KLK13: variants seen among roughly 807,000 people sequenced by gnomAD.
KLK13 encodes kallikrein related peptidase 13, also known as kallikrein-13.
In KLK13, 19 loss-of-function variants were observed where a neutral mutation model predicts 22.4. That is an observed-to-expected ratio of 0.85 (90% CI 0.59 to 1.24). KLK13 has a LOEUF of 1.24. Among genes scored for constraint, KLK13 ranks in the 50% most tolerant of loss-of-function variants. KLK13 has a pLI of 0.00. For synonymous variants in KLK13, 156 were observed against 141.8 expected (o/e 1.10, Z -0.71); for missense variants, 311 against 347.9 (o/e 0.89, Z 0.84).
At chr19:51,056,822 C>A in intron 4 of KLK13, 47 bp from the exon 5 acceptor site, 1 of 1,467,846 alleles carries the variant, frequency 6.8e-7, no homozygotes. Context: ...CTTGCTGGGG[C>A]TAAACAAGGC....
At chr19:51,060,699 G>A in intron 1 of KLK13, 80 bp from the exon 2 acceptor site, 3 of 1,201,024 alleles carry the variant, frequency 2.5e-6, no homozygotes, top group Non-Finnish European at 3.5e-6. Context: ...TGGGTTTGGG[G>A]TAAGGGTCGG....
chr19:51,060,116 G>T (rs750810236), intron 2 of KLK13, 23 bp from the exon 3 acceptor site: 2 of 1,611,564 alleles, frequency 1.2e-6, no homozygotes, highest in East Asian at 4.5e-5. Flanking sequence ...AAAGAAGGTG[G>T]TTAGGAAAGA....
intron 1 of KLK13, chr19:51,063,861 C>G: frequency 2.2e-6 from 1 of 461,228 alleles, no homozygotes; most frequent in Non-Finnish European, 4.4e-6. Context: ...GAAGTCTTCA[C>G]CTCATGTCAA....
At chr19:51,061,635 T>C (rs1407353024) in intron 1 of KLK13, among the ~76,000 whole-genome samples, 2 of 152,230 alleles carry the variant, frequency 1.3e-5, no homozygotes, top group African/African-American at 4.8e-5. Flanking sequence ...TCTTGGTCCA[T>C]GCCCCATCTT....
intron 1 of KLK13, 66 bp from the exon 2 acceptor site, chr19:51,060,685 T>C: frequency 3.7e-6 from 5 of 1,361,482 alleles, no homozygotes; most frequent in Non-Finnish European, 4.0e-6. Flanking sequence ...GGGGTTGTGG[T>C]TTCTGGGTTT....
chr19:51,060,226 C>A, intron 2 of KLK13, 133 bp from the exon 3 acceptor site: 1 of 1,189,624 alleles, frequency 8.4e-7, no homozygotes, highest in East Asian at 2.5e-5. Flanking sequence ...ATACATCTCC[C>A]CCATCCTCAA....
In KLK13 at chr19:51,060,065, C is replaced by T. The variant is rs143558540; in HGVS notation, c.268G>A (p.Ala90Thr). 9.2e-5 allele frequency: 149 copies of T among 1,613,412 alleles called. No homozygotes were observed. Among genetic ancestry groups the T allele is most frequent in the Middle Eastern group, 8.2e-4 (5 of 6,080 alleles). ...EGLKVYLGKH[A>T]LGRVEAGEQV... ...TCACCAGCTTCCACACGCCCTAGGG[C>T]GTGCTTGCCTAGGTAAACTTTGAGC... The change falls in exon 3 of 5, where the codon GCC (alanine) becomes ACC (threonine). Residue 90 changes from alanine (A) to threonine (T), a missense_variant. By Grantham distance (58) the Ala-to-Thr change is moderately conservative. Coordinates refer to ENST00000595793, the MANE Select transcript of KLK13 (RefSeq NM_015596.3).
Position 51,059,827 on chromosome 19 carries a change from T to C in KLK13, c.506A>G (p.Gln169Arg), listed in dbSNP as rs144336791. 9.4e-6 allele frequency: 15 copies of C among 1,599,932 alleles called. No individual in the cohort carries two copies. The highest frequency in any genetic ancestry group is 1.2e-5 in the Non-Finnish European group (14 of 1,172,460). ...AGGCCACCTGTGTGGGTGCATACCC[T>C]GGGGGCTGGTGGTGGTGCCCCAGCC... ...VSGWGTTTSP[Q>R]VNYPKTLQCA... The change falls in exon 3 of 5, where the codon CAG (glutamine) becomes CGG (arginine). Residue 169 changes from glutamine (Q) to arginine (R), a missense_variant and splice_region_variant. Physicochemically the swap from Gln to Arg is conservative, Grantham distance 43. Coordinates refer to ENST00000595793, the MANE Select transcript of KLK13 (RefSeq NM_015596.3).
intron 1 of KLK13, among the ~76,000 whole-genome samples, chr19:51,064,249 T>C (rs2122716907): frequency 6.6e-6 from 1 of 152,132 alleles, no homozygotes; most frequent in African/African-American, 2.4e-5. Flanking sequence ...CCTGGCACTT[T>C]GGGAGGCTGA....
At position 51,059,279 on chromosome 19, in the gene KLK13, C is replaced by G. The variant is rs189872047; in HGVS notation, c.508+546G>C. On this transcript the variant is annotated intron_variant, in intron 3 of 4. Transcript: ENST00000595793. The stretch of plus-strand genomic sequence containing the variant: ...GAATTATTAGACATTTCATTAATAA[C>G]CATATTTAATATATTAAACATTTTA... 7.2e-4 allele frequency among the ~76,000 whole-genome samples: 107 copies of G among 149,124 alleles called. 3 individuals carry two copies. Among genetic ancestry groups the G allele is most frequent in the African/African-American group, 2.6e-3 (106 of 40,746 alleles).
rs1300902418 is a variant in KLK13, at chr19:51,058,670, A to G, written c.513T>C (p.Asn171=). Residue 171 remains asparagine (N), a synonymous_variant, in exon 4 of 5, where the codon AAT becomes AAC. Coordinates refer to ENST00000595793, the MANE Select transcript of KLK13 (RefSeq NM_015596.3). ...TGGCACATTGTAGAGTTTTGGGGTA[A>G]TTCACTGGGGAGAAGAAAGAGAAGG... The part of the protein sequence containing the change: ...GWGTTTSPQV[N]YPKTLQCANI... 2 of 1,614,154 alleles carry G rather than the reference A, an allele frequency of 1.2e-6. No homozygotes were observed. The highest frequency in any genetic ancestry group is 1.7e-6 in the Non-Finnish European group (2 of 1,179,998).
At position 51,056,927 on chromosome 19, in the gene KLK13, A is replaced by G. The variant is rs2091680972; in HGVS notation, c.646-152T>C. 3 of 596,456 alleles carry G rather than the reference A, an allele frequency of 5.0e-6. No homozygotes were observed. The Admixed American group carries it at 9.3e-5, about 18-fold the overall frequency. 36.9% of individuals were successfully genotyped at this position (596,456 alleles called of 1,614,324 possible). On this transcript the variant is annotated intron_variant, in intron 4 of 4. Coordinates refer to ENST00000595793, the MANE Select transcript of KLK13 (RefSeq NM_015596.3). ...GGCAGAGTCAGACACACACAGTGTG[A>G]GAGAAAGCAATGAAGACAGTGAGAA...
intron 1 of KLK13, chr19:51,063,629 C>G (rs1368967601): frequency 2.0e-5 from 9 of 456,504 alleles, no homozygotes; most frequent in Middle Eastern, 3.2e-4. Context: ...GCGTGTGGGT[C>G]TCCTAGCCTA....
At chr19:51,063,988 G>A (rs1363419657) in intron 1 of KLK13, 2 of 366,474 alleles carry the variant, frequency 5.5e-6, no homozygotes, top group Non-Finnish European at 1.1e-5. Flanking sequence ...ACCCAGCACA[G>A]TGGCCGGTGT....
intron 1 of KLK13, chr19:51,064,493 A>C (rs1049755086): frequency 3.2e-6 from 1 of 316,344 alleles, no homozygotes; most frequent in Non-Finnish European, 6.3e-6. Context: ...ATCTCAAAAA[A>C]AAAAAAAAAA....
chr19:51,062,793 G>A (rs1027508897), intron 1 of KLK13, among the ~76,000 whole-genome samples: 1 of 152,190 alleles, frequency 6.6e-6, no homozygotes, highest in Non-Finnish European at 1.5e-5. Context: ...AGCACAGCAG[G>A]TGGCATGGAG....
In KLK13 at chr19:51,060,469, G is replaced by A; in HGVS notation, c.203C>T (p.Pro68Leu). ...GTGTGCGGCAGTGAGGACCCATTTG[G>A]GGTGGACCAGGACTCCCCCACAGAG... is the stretch of plus-strand genomic sequence containing the variant. ...RLLCGGVLVH[P>L]KWVLTAAHCL... Residue 68 changes from proline to leucine, a missense_variant, in exon 2 of 5, where the codon CCC becomes CTC. Transcript: ENST00000595793. The A allele has an allele frequency of 1.2e-6, 2 of 1,613,412 alleles. No individual in the cohort carries two copies. Among genetic ancestry groups the A allele is most frequent in the Non-Finnish European group, 1.7e-6 (2 of 1,179,620 alleles).
At chr19:51,061,324 T>A (rs2091729782) in intron 1 of KLK13, among the ~76,000 whole-genome samples, 1 of 152,206 alleles carries the variant, frequency 6.6e-6, no homozygotes, top group Non-Finnish European at 1.5e-5. Flanking sequence ...TCACTGCATA[T>A]ATACTGGTTG....
chr19:51,065,139 T>A (rs1408909354), upstream of KLK13: 5 of 1,132,908 alleles, frequency 4.4e-6, no homozygotes, highest in Admixed American at 1.0e-4. Context: ...GTTGAGGGCG[T>A]GCCCGGAACC....
Sources: gnomAD v4.1 joint callset for allele counts (sites outside exome capture counted in the v4.1 genomes callset) on GRCh38, gnomAD v4.1.1 for gene constraint, MANE v1.5 for transcripts, NCBI Gene and HGNC (gene_info 2026-07-23, HGNC 2026-07-21) for gene names.